The following ROBO2 variants were observed in gnomAD, a reference collection of about 807,000 sequenced individuals.
ROBO2 encodes the protein roundabout guidance receptor 2.
In ROBO2, 53 loss-of-function variants were observed where a neutral mutation model predicts 160.8. The ratio of observed to expected loss-of-function variants is 0.33; its 90% CI spans 0.26 to 0.41. The LOEUF (loss-of-function observed/expected upper bound fraction) is 0.41, where lower values mean the gene tolerates loss of function less well. ROBO2 is among the 10% of genes least tolerant of loss of function. ROBO2 has a pLI of 1.00. For missense variants in ROBO2, 1,577 were observed against 1,722.4 expected, an observed-to-expected ratio of 0.92 and a Z score of 1.49; for synonymous variants, 664 against 611.7, an observed-to-expected ratio of 1.09 and a Z score of -1.26.
intron 2 of ROBO2, among the ~76,000 whole-genome samples, chr3:76,366,332 A>G (rs141523537): frequency 1.4e-4 from 22 of 152,074 alleles, no homozygotes; most frequent in Admixed American, 3.9e-4. Context: ...TCATTTATTT[A>G]TCTCTACTCT....
At chr3:76,831,483 A>T (rs1194662658) in intron 2 of ROBO2, among the ~76,000 whole-genome samples, 1 of 152,182 alleles carries the variant, frequency 6.6e-6, no homozygotes, top group African/African-American at 2.4e-5. Flanking sequence ...GCATAAAATT[A>T]CTTAAAGTGT....
chr3:77,098,130 C>G (rs2071352835), exon 2 of ROBO2: 1 of 1,614,186 alleles, frequency 6.2e-7, no homozygotes, highest in Non-Finnish European at 8.5e-7. Context: ...CCGGCCAACG[C>G]CCACCATTGA....
chr3:75,907,123 G>T (rs541554767), intron 1 of ROBO2, among the ~76,000 whole-genome samples: 1 of 152,276 alleles, frequency 6.6e-6, no homozygotes, highest in South Asian at 2.1e-4. Flanking sequence ...GTCGGTGGGT[G>T]GTTGCGATCC....
intron 2 of ROBO2, among the ~76,000 whole-genome samples, chr3:76,817,917 G>T (rs1221624623): frequency 6.7e-6 from 1 of 149,696 alleles, no homozygotes; most frequent in East Asian, 2.0e-4. Flanking sequence ...GGACATTTCA[G>T]GTGGCTCCGT....
At chr3:77,375,688 C>T (rs1256429633) in intron 2 of ROBO2, among the ~76,000 whole-genome samples, 2 of 152,046 alleles carry the variant, frequency 1.3e-5, no homozygotes, top group African/African-American at 2.4e-5. Flanking sequence ...ATGTAAAACC[C>T]GAGGTTCTCA....
At chr3:77,275,706 G>A (rs930626435) in intron 2 of ROBO2, among the ~76,000 whole-genome samples, 9 of 151,874 alleles carry the variant, frequency 5.9e-5, no homozygotes, top group Admixed American at 1.3e-4. Flanking sequence ...TTTTTAACAC[G>A]TGTATCAAAT....
intron 2 of ROBO2, among the ~76,000 whole-genome samples, chr3:76,662,238 A>G (rs980355593): frequency 6.6e-6 from 1 of 152,096 alleles, no homozygotes; most frequent in African/African-American, 2.4e-5. Context: ...TGTCCATGAA[A>G]TGACATTTGG....
intron 2 of ROBO2, among the ~76,000 whole-genome samples, chr3:76,959,373 T>A (rs558738875): frequency 1.3e-5 from 2 of 152,342 alleles, no homozygotes; most frequent in East Asian, 3.9e-4. Flanking sequence ...TTATATCCTC[T>A]GGCAAAATTC....
chr3:77,011,271 A>G (rs2061905403), intron 2 of ROBO2, among the ~76,000 whole-genome samples: 1 of 151,890 alleles, frequency 6.6e-6, no homozygotes, highest in African/African-American at 2.4e-5. Flanking sequence ...GCTATCGTAT[A>G]TTTAGTGCCT....
intron 2 of ROBO2, among the ~76,000 whole-genome samples, chr3:76,514,274 C>G (rs901020122): frequency 1.4e-4 from 22 of 152,036 alleles, no homozygotes; most frequent in Admixed American, 1.4e-3. Context: ...TCAAGATTCT[C>G]CCCCCATGTT....
chr3:76,778,150 T>A (rs1353953883), intron 2 of ROBO2, among the ~76,000 whole-genome samples: 1 of 151,146 alleles, frequency 6.6e-6, no homozygotes, highest in Non-Finnish European at 1.5e-5. Flanking sequence ...TGCTTCATTC[T>A]TCTCTTGTTC....
intron 1 of ROBO2, among the ~76,000 whole-genome samples, chr3:77,097,030 G>T (rs1419759596): frequency 6.6e-6 from 1 of 152,022 alleles, no homozygotes; most frequent in Non-Finnish European, 1.5e-5. Context: ...AGTATCTTTC[G>T]ATTGTACAGA....
intron 2 of ROBO2, among the ~76,000 whole-genome samples, chr3:77,366,057 T>C (rs2070823455): frequency 6.6e-6 from 1 of 152,194 alleles, no homozygotes; most frequent in Non-Finnish European, 1.5e-5. Flanking sequence ...ATTCTCCTAT[T>C]GTTATAACAA....
chr3:77,040,162 G>A (rs1358935679), exon 1 of ROBO2: 4 of 984,864 alleles, frequency 4.1e-6, no homozygotes, highest in African/African-American at 3.5e-5. Flanking sequence ...TTTGGAAACC[G>A]GAGAGGTGGA....
At chr3:77,577,329 A>T (rs1377374215) in intron 14 of ROBO2, among the ~76,000 whole-genome samples, 161 bp from the exon 16 acceptor site, 1 of 152,158 alleles carries the variant, frequency 6.6e-6, no homozygotes, top group African/African-American at 2.4e-5. Context: ...GTATTTAAAG[A>T]ACATTTCTCA....
intron 2 of ROBO2, among the ~76,000 whole-genome samples, chr3:77,383,076 T>C (rs1162467500): frequency 6.6e-6 from 1 of 152,196 alleles, no homozygotes; most frequent in African/African-American, 2.4e-5. Flanking sequence ...TGCATATGCA[T>C]TTAAAATAAC....
chr3:76,720,780 C>T (rs1252288822), intron 2 of ROBO2, among the ~76,000 whole-genome samples: 4 of 152,132 alleles, frequency 2.6e-5, no homozygotes, highest in African/African-American at 4.8e-5. Flanking sequence ...CTCTCTTTTG[C>T]AAAGCCTGCC....
chr3:77,260,684 G>T (rs187706560), intron 2 of ROBO2, among the ~76,000 whole-genome samples: 1 of 152,162 alleles, frequency 6.6e-6, no homozygotes, highest in South Asian at 2.1e-4. Context: ...TCCCACAAGC[G>T]GTAGATCCAG....
At chr3:76,748,438 T>C (rs1419566357) in intron 2 of ROBO2, among the ~76,000 whole-genome samples, 3 of 151,676 alleles carry the variant, frequency 2.0e-5, no homozygotes, top group Non-Finnish European at 2.9e-5. Context: ...AAAATGCATA[T>C]TGAAAGTTTA....
Sources: allele counts gnomAD v4.1 joint callset (sites outside exome capture counted in the v4.1 genomes callset), GRCh38; gene constraint gnomAD v4.1.1; transcripts MANE v1.5; gene names NCBI Gene and HGNC (gene_info 2026-07-23, HGNC 2026-07-21).